The following KYAT1 variants were observed in gnomAD, a reference collection of about 807,000 sequenced individuals.
The protein encoded by KYAT1 is kynurenine aminotransferase 1.
A neutral mutation model predicts 52.4 loss-of-function variants in KYAT1; 47 were observed. The observed-to-expected ratio is 0.90, with a 90% CI of 0.71 to 1.14. The LOEUF is 1.14. Among genes scored for constraint, KYAT1 ranks in the 50% most tolerant of loss-of-function variants. The pLI, the probability that KYAT1 is intolerant of heterozygous loss-of-function variation, is 0.00. For missense variants in KYAT1, 480 were observed against 557.9 expected, an observed-to-expected ratio of 0.86 and a Z score of 1.41; for synonymous variants, 212 against 209.6, an observed-to-expected ratio of 1.01 and a Z score of -0.10.
intron 1 of KYAT1, among the ~76,000 whole-genome samples, chr9:128,864,663 C>G (rs1306827788): frequency 1.3e-5 from 2 of 152,006 alleles, no homozygotes; most frequent in East Asian, 3.9e-4. Context: ...GGCTGAAGTG[C>G]AGCAGCGCGA....
At chr9:128,835,004 A>AC (rs1263234556) in intron 11 of KYAT1, among the ~76,000 whole-genome samples, 3 of 151,524 alleles carry the variant, frequency 2.0e-5, no homozygotes, top group African/African-American at 7.3e-5. Context: ...CGGGCAAAAA[A>AC]AAGTAGCCTG....
At chr9:128,856,598 A>G (rs937590175) in intron 1 of KYAT1, among the ~76,000 whole-genome samples, 1 of 152,210 alleles carries the variant, frequency 6.6e-6, no homozygotes, top group African/African-American at 2.4e-5. Context: ...CTTTGCCCCA[A>G]CTTTGAGCTC....
intron 1 of KYAT1, among the ~76,000 whole-genome samples, chr9:128,872,262 G>C (rs1837338878): frequency 6.6e-6 from 1 of 151,460 alleles, no homozygotes; most frequent in Non-Finnish European, 1.5e-5. Context: ...GGCTAACACG[G>C]TGAAACCCTG....
intron 1 of KYAT1, among the ~76,000 whole-genome samples, chr9:128,863,961 C>T (rs1286563877): frequency 6.6e-6 from 1 of 152,202 alleles, no homozygotes; most frequent in Non-Finnish European, 1.5e-5. Context: ...TTCTAGGAAG[C>T]AGGCCTTCCC....
intron 1 of KYAT1, among the ~76,000 whole-genome samples, chr9:128,875,425 C>T (rs1017001713): frequency 6.6e-6 from 1 of 151,488 alleles, no homozygotes; most frequent in Non-Finnish European, 1.5e-5. Context: ...ACCAGCCTGG[C>T]CAACATGGTG....
chr9:128,857,736 T>G (rs1368554796), intron 1 of KYAT1, among the ~76,000 whole-genome samples: 4 of 152,164 alleles, frequency 2.6e-5, no homozygotes, highest in Admixed American at 2.6e-4. Flanking sequence ...CTCTGGAGGC[T>G]GAGGCAGGAG....
At chr9:128,848,014 A>C (rs1833382721) in intron 1 of KYAT1, among the ~76,000 whole-genome samples, 2 of 152,188 alleles carry the variant, frequency 1.3e-5, no homozygotes, top group Non-Finnish European at 2.9e-5. Flanking sequence ...AAATAACACC[A>C]TGGAGATGCA....
chr9:128,852,225 T>C (rs79161022), intron 1 of KYAT1, among the ~76,000 whole-genome samples: 1 of 152,210 alleles, frequency 6.6e-6, no homozygotes, highest in Non-Finnish European at 1.5e-5. Flanking sequence ...ACTTAAGAGC[T>C]GTTAATGCCA....
chr9:128,861,266 G>T (rs1835430261), intron 1 of KYAT1, among the ~76,000 whole-genome samples: 1 of 152,188 alleles, frequency 6.6e-6, no homozygotes, highest in South Asian at 2.1e-4. Flanking sequence ...GACCCAGTGG[G>T]AGGTAATTGA....
intron 3 of KYAT1, chr9:128,840,648 C>G (rs1250689645): frequency 4.5e-6 from 2 of 439,762 alleles, no homozygotes; most frequent in African/African-American, 2.1e-5. Context: ...AAAGAAGGAA[C>G]TTTCCAACCA....
At chr9:128,848,883 T>C (rs1296137405) in intron 1 of KYAT1, among the ~76,000 whole-genome samples, 1 of 150,486 alleles carries the variant, frequency 6.6e-6, no homozygotes, top group Non-Finnish European at 1.5e-5. Context: ...ACACGAACAC[T>C]TTGGGAGGCC....
Position 128,833,313 on chromosome 9 carries a change from A to C in KYAT1, c.*271T>G. 1 of 578,544 alleles carries C rather than the reference A, an allele frequency of 1.7e-6. No homozygotes were observed. The allele number at this position is 578,544 out of a possible 1,614,324, so 35.8% of individuals were successfully genotyped here. On this transcript the variant is annotated 3_prime_UTR_variant, in exon 13 of 13. Transcript: ENST00000302586. The stretch of plus-strand genomic sequence containing the variant: ...GTCCGTCTCAGCCAAGCCTGGAGAG[A>C]CCAGAAGCAACACAAGACCCTACAA...
chr9:128,847,409 G>C (rs1034947066), intron 1 of KYAT1: 3 of 1,479,198 alleles, frequency 2.0e-6, no homozygotes, highest in Non-Finnish European at 2.7e-6. Context: ...GCAGGTGGCA[G>C]AGTATTGGGG....
intron 3 of KYAT1, among the ~76,000 whole-genome samples, chr9:128,841,807 G>C (rs945075683): frequency 1.3e-5 from 2 of 151,938 alleles, no homozygotes; most frequent in African/African-American, 2.4e-5. Flanking sequence ...AGACCAGTCT[G>C]AGCAACATGG....
At chr9:128,882,499 C>T (rs548709993), upstream of KYAT1, 999 of 390,420 alleles carry the variant, frequency 2.6e-3, 5 homozygotes, top group Middle Eastern at 0.014. Context: ...CCTGTGCCTC[C>T]TTGTGCTTCA....
intron 1 of KYAT1, among the ~76,000 whole-genome samples, chr9:128,855,564 T>C (rs925325031): frequency 2.6e-5 from 4 of 152,248 alleles, no homozygotes; most frequent in Non-Finnish European, 5.9e-5. Flanking sequence ...TCTTATATGC[T>C]AGTTGTAGGA....
intron 1 of KYAT1, among the ~76,000 whole-genome samples, chr9:128,859,178 C>T (rs1217251993): frequency 2.6e-5 from 4 of 151,858 alleles, no homozygotes; most frequent in Middle Eastern, 3.4e-3. Flanking sequence ...CTGGCTAACA[C>T]GGCGAAACCC....
chr9:128,843,734 G>A (rs1479772072), intron 2 of KYAT1, among the ~76,000 whole-genome samples: 1 of 152,142 alleles, frequency 6.6e-6, no homozygotes, highest in Non-Finnish European at 1.5e-5. Context: ...TGGAATGGAA[G>A]CTTCATCCTT....
intron 1 of KYAT1, among the ~76,000 whole-genome samples, chr9:128,863,481 C>G: frequency 6.6e-6 from 1 of 150,508 alleles, no homozygotes; most frequent in East Asian, 2.0e-4. Flanking sequence ...AAAAAAAAAA[C>G]CAAAACAACA....
Sources: gnomAD v4.1 joint callset for allele counts (sites outside exome capture counted in the v4.1 genomes callset) on GRCh38, gnomAD v4.1.1 for gene constraint, MANE v1.5 for transcripts, NCBI Gene and HGNC (gene_info 2026-07-23, HGNC 2026-07-21) for gene names.